The following RNF111 variants were observed in gnomAD, a reference collection of about 807,000 sequenced individuals.
The protein encoded by RNF111 is E3 ubiquitin-protein ligase Arkadia.
Under a neutral mutation model 95.1 loss-of-function variants are expected in RNF111, and 17 were observed. The observed-to-expected ratio is 0.18, with a 90% confidence interval of 0.12 to 0.27. RNF111 has a LOEUF of 0.27. RNF111 is among the 10% of genes least tolerant of loss of function. The pLI is 1.00. For missense variants in RNF111, 1,189 were observed against 1,210.4 expected (o/e 0.98, Z 0.26); for synonymous variants, 440 against 414.8 (o/e 1.06, Z -0.74).
At chr15:59,044,460 A>G (rs1438572484) in intron 2 of RNF111, among the ~76,000 whole-genome samples, 2 of 152,244 alleles carry the variant, frequency 1.3e-5, no homozygotes, top group Non-Finnish European at 2.9e-5. Context: ...TTACCAGGAA[A>G]TAGAAATGGG....
rs145894675 is a variant in RNF111, at chr15:59,039,111, C to T, written c.880+7409C>T. Among the ~76,000 whole-genome samples the T allele has an allele frequency of 6.3e-3, 953 of 152,130 alleles. 5 individuals are homozygous for T. Among genetic ancestry groups the T allele is most frequent in the Middle Eastern group, 0.014 (4 of 292 alleles). ...TCCCGAGTAGCTGGGATTACAGGCACGTGCCACCATACCTGGCTAATTTTT... is the reference window on the plus strand; with the variant it reads ...TCCCGAGTAGCTGGGATTACAGGCATGTGCCACCATACCTGGCTAATTTTT... On this transcript the variant is annotated intron_variant, in intron 2 of 13. Coordinates refer to ENST00000348370, the MANE Select transcript of RNF111 (RefSeq NM_017610.8).
intron 6 of RNF111, among the ~76,000 whole-genome samples, 173 bp downstream of exon 6, chr15:59,067,256 AC>A (rs2042703580): frequency 7.7e-6 from 1 of 129,440 alleles, no homozygotes. Context: ...TTTTTTTTTA[AC>A]TCCCTCCCAT....
At chr15:59,037,000 A>T (rs1408625767) in intron 2 of RNF111, among the ~76,000 whole-genome samples, 7 of 139,900 alleles carry the variant, frequency 5.0e-5, no homozygotes, top group East Asian at 2.1e-4. Context: ...CAGTTGACTA[A>T]TTTTTTTTTT....
At chr15:59,071,462 C>T (rs901393301) in intron 6 of RNF111, among the ~76,000 whole-genome samples, 3 of 151,962 alleles carry the variant, frequency 2.0e-5, no homozygotes, top group African/African-American at 4.8e-5. Context: ...ACGGGTGGAT[C>T]GCTTGACCGC....
At chr15:59,009,687 GC>G (rs1423192762) in intron 1 of RNF111, among the ~76,000 whole-genome samples, 3 of 152,014 alleles carry the variant, frequency 2.0e-5, no homozygotes, top group Admixed American at 1.3e-4. Context: ...GGGCACAGTG[GC>G]TCATGCCTGT....
chr15:58,995,673 G>C (rs998038518), intron 1 of RNF111, among the ~76,000 whole-genome samples: 32 of 151,042 alleles, frequency 2.1e-4, no homozygotes, highest in African/African-American at 7.8e-4. Context: ...GGACAGGCTG[G>C]TCTTGAACTC....
rs753297229 is a variant in RNF111 at position 59,058,532 on chromosome 15, A to G, written c.1348A>G (p.Thr450Ala). Residue 450 changes from threonine (T) to alanine (A), a missense_variant, in exon 5 of 14, where the codon ACT (threonine) becomes GCT (alanine). Thr to Ala is a moderately conservative substitution (Grantham distance 58). This residue lies in a region of RNF111 where 1,024 missense variants were observed against 925.9 expected (regional missense o/e 1.11). Coordinates refer to ENST00000348370, the MANE Select transcript of RNF111 (RefSeq NM_017610.8). ...TSATLTSNST[T>A]GTSIGDDSRR... The stretch of plus-strand genomic sequence containing the variant: ...AGCTACTCTTACAAGCAATAGTACC[A>G]CTGGCACTTCTATAGGAGGTATGTA... The G allele has an allele frequency of 6.2e-7, 1 of 1,613,736 alleles. No homozygotes were observed. Among genetic ancestry groups the G allele is most frequent in the Non-Finnish European group, 8.5e-7 (1 of 1,179,804 alleles).
intron 7 of RNF111, 30 bp from the exon 8 acceptor site, chr15:59,080,906 T>A (rs756903224): frequency 1.3e-6 from 2 of 1,547,888 alleles, no homozygotes; most frequent in South Asian, 2.4e-5. Context: ...ATGGTGCCTA[T>A]GTAACATACT....
intron 2 of RNF111, among the ~76,000 whole-genome samples, chr15:59,041,702 G>A (rs1447287761): frequency 6.6e-6 from 1 of 152,048 alleles, no homozygotes; most frequent in Non-Finnish European, 1.5e-5. Flanking sequence ...GTAAAATATG[G>A]CCACATTTTT....
chr15:59,008,553 A>G (rs1162179238), intron 1 of RNF111, among the ~76,000 whole-genome samples: 1 of 152,030 alleles, frequency 6.6e-6, no homozygotes, highest in Non-Finnish European at 1.5e-5. Context: ...TTCCTTCCTC[A>G]TTATCTTGGC....
At chr15:59,032,510 C>T (rs770631307) in intron 2 of RNF111, among the ~76,000 whole-genome samples, 6 of 152,150 alleles carry the variant, frequency 3.9e-5, no homozygotes, top group Non-Finnish European at 7.4e-5. Flanking sequence ...CAACCTTCAC[C>T]TCCTGGGCTG....
intron 1 of RNF111, among the ~76,000 whole-genome samples, chr15:59,026,904 A>T (rs1163102132): frequency 5.3e-5 from 8 of 152,300 alleles, no homozygotes; most frequent in African/African-American, 1.7e-4. Flanking sequence ...CACAGCATAC[A>T]CCAAACCACC....
At position 59,042,041 on chromosome 15, in the gene RNF111, A is replaced by G. The variant is rs192950428; in HGVS notation, c.881-10264A>G. On this transcript the variant is annotated intron_variant, in intron 2 of 13. Transcript: ENST00000348370. The stretch of plus-strand genomic sequence containing the variant: ...CTATCCATTTTTAGAAGCTTTTTAT[A>G]TATTAGCAATGTAAGTCCTATATAA... Among the ~76,000 whole-genome samples, 147 of 133,802 alleles carry G rather than the reference A, an allele frequency of 1.1e-3. No individual in the cohort carries two copies. The Middle Eastern group carries it at 0.015, about 14-fold the overall frequency. The allele number at this position is 133,802 out of a possible 152,430, so 87.8% of individuals were successfully genotyped here.
At chr15:59,022,321 A>G (rs953046573) in intron 1 of RNF111, among the ~76,000 whole-genome samples, 1 of 152,202 alleles carries the variant, frequency 6.6e-6, no homozygotes, top group African/African-American at 2.4e-5. Flanking sequence ...AGCAAGCCTT[A>G]GCTGAGATAC....
At chr15:59,092,473 C>A in intron 12 of RNF111, 64 bp from the exon 13 acceptor site, 1 of 1,519,264 alleles carries the variant, frequency 6.6e-7, no homozygotes, top group Non-Finnish European at 8.8e-7. Context: ...TAAACACAGA[C>A]TTTACTCAGT....
chr15:58,996,472 T>C (rs2039076142), intron 1 of RNF111, among the ~76,000 whole-genome samples: 2 of 151,534 alleles, frequency 1.3e-5, no homozygotes, highest in African/African-American at 4.8e-5. Context: ...TCCCAGCTAC[T>C]TGGGTGGCTG....
chr15:59,076,215 TG>T lies in RNF111; in HGVS notation c.1948+1del. The T allele has an allele frequency of 6.2e-7, 1 of 1,612,796 alleles. No individual in the cohort carries two copies. The highest frequency in any genetic ancestry group is 8.5e-7 in the Non-Finnish European group (1 of 1,179,834). Reference sequence around the variant, plus strand: ...ATGTCGACATTACATGCCACCCCCTTGTAAGTATATACTTAGTGGACACAAA... The same window carrying T: ...ATGTCGACATTACATGCCACCCCCTTTAAGTATATACTTAGTGGACACAAA... On this transcript the variant is annotated splice_donor_variant, in intron 7 of 13. Transcript: ENST00000348370. LOFTEE classifies it high-confidence loss of function.
chr15:59,000,911 T>C (rs1280485991), intron 1 of RNF111, among the ~76,000 whole-genome samples: 2 of 152,170 alleles, frequency 1.3e-5, no homozygotes, highest in Non-Finnish European at 2.9e-5. Context: ...AAACGAAATC[T>C]GCTCTGGTGG....
chr15:59,090,010 T>A lies in RNF111; in HGVS notation c.2643+251T>A, dbSNP rs2079003971. ...TAGAAGAATATAAAAATGTATTAAA[T>A]CAATATAAATGTCAGATATATAACT... On this transcript the variant is annotated intron_variant, in intron 11 of 13. Transcript: ENST00000348370. 2.0e-5 allele frequency among the ~76,000 whole-genome samples: 3 copies of A among 152,160 alleles called. No individual in the cohort carries two copies. In the South Asian group the frequency reaches 6.2e-4, roughly 31 times the overall value.
Sources: gnomAD v4.1 joint callset for allele counts (sites outside exome capture counted in the v4.1 genomes callset) on GRCh38, gnomAD v4.1.1 for gene constraint, gnomAD v4.1.1 regional missense constraint, MANE v1.5 for transcripts, NCBI Gene and HGNC (gene_info 2026-07-23, HGNC 2026-07-21) for gene names.